The following RNF123 variants were observed in gnomAD, a reference collection of about 807,000 sequenced individuals.
RNF123 encodes the protein ring finger protein 123, also known as E3 ubiquitin-protein ligase RNF123.
RNF123 carries 86 observed loss-of-function variants against 168.5 expected under a neutral mutation model. That is an observed-to-expected ratio of 0.51 (90% CI 0.43 to 0.61). The LOEUF is 0.61. Ranked by LOEUF, RNF123 falls within the 20% of genes least tolerant of loss-of-function variation. The probability of loss-of-function intolerance (pLI) is 0.00; values close to 1 mark genes in which losing one functional copy is unlikely to be tolerated. For missense variants in RNF123, 1,419 were observed against 1,729.7 expected, an observed-to-expected ratio of 0.82 and a Z score of 3.19; for synonymous variants, 666 against 689.1, an observed-to-expected ratio of 0.97 and a Z score of 0.52.
In RNF123 at chr3:49,699,625, G is replaced by A. The variant is rs771015925; in HGVS notation, c.879+43G>A. 6.2e-7 allele frequency: 1 copy of A among 1,611,878 alleles called. No homozygotes were observed. Among genetic ancestry groups the A allele is most frequent in the Non-Finnish European group, 8.5e-7 (1 of 1,178,324 alleles). On this transcript the variant is annotated intron_variant, in intron 11 of 38. Transcript: ENST00000327697. The surrounding 1 kb of genome is among the most constrained non-coding windows in gnomAD (Gnocchi z 4.8). Reference sequence around the variant, plus strand: ...CCAGGCGGGGTGGGGGGCTTCCACAGCCTCCTGCCCCTCACACTTCTCCCT... The same window carrying A: ...CCAGGCGGGGTGGGGGGCTTCCACAACCTCCTGCCCCTCACACTTCTCCCT...
intron 25 of RNF123, 72 bp downstream of exon 25, chr3:49,706,137 C>A: frequency 7.2e-7 from 1 of 1,385,812 alleles, no homozygotes; most frequent in Non-Finnish European, 1.0e-6. Flanking sequence ...AAGTCTGGTT[C>A]TGGGGGCTGC....
intron 20 of RNF123, among the ~76,000 whole-genome samples, chr3:49,702,980 G>GGCTC (rs2054437221): frequency 6.6e-6 from 1 of 152,180 alleles, no homozygotes; most frequent in African/African-American, 2.4e-5. Flanking sequence ...TTGTCCCACG[G>GGCTC]GCTCCTACCA....
chr3:49,704,049 T>A (rs903239512), intron 21 of RNF123, among the ~76,000 whole-genome samples: 1 of 152,076 alleles, frequency 6.6e-6, no homozygotes, highest in Non-Finnish European at 1.5e-5. Context: ...ACCCCAGGCT[T>A]CCTGCCAGAG....
intron 8 of RNF123, 109 bp downstream of exon 8, chr3:49,698,635 A>G: frequency 6.5e-7 from 1 of 1,536,216 alleles, no homozygotes; most frequent in Non-Finnish European, 9.0e-7. Context: ...AGGGTCAGGG[A>G]CCCAGGTCCT....
chr3:49,711,288 G>A (rs2080140737), intron 26 of RNF123, among the ~76,000 whole-genome samples: 1 of 152,132 alleles, frequency 6.6e-6, no homozygotes, highest in Admixed American at 6.5e-5. Context: ...CAGCCTTGAC[G>A]CTATATGTGC....
Position 49,702,485 on chromosome 3 carries a change from G to C in RNF123, c.1629+80G>C, listed in dbSNP as rs1335786469. 9 of 1,600,092 alleles carry C rather than the reference G, an allele frequency of 5.6e-6. No homozygotes were observed. The East Asian group carries it at 1.6e-4, about 28-fold the overall frequency. On this transcript the variant is annotated intron_variant, in intron 19 of 38. Transcript: ENST00000327697. ...ATGCCCTCAGCACCTGGCACTTCTC[G>C]GACTGCCTCATCCCTGCCTAGCCCC...
In RNF123 at chr3:49,712,576, T is replaced by C. The variant is rs1165362097; in HGVS notation, c.2594T>C (p.Phe865Ser). ...TGSLFAFMPE[F>S]YLSVAINSYS... ...TCTCTCTTTGCCTTCATGCCCGAGTTCTACCTGAGCGTGGCCATCAACAGC... is the reference window on the plus strand; with the variant it reads ...TCTCTCTTTGCCTTCATGCCCGAGTCCTACCTGAGCGTGGCCATCAACAGC... Residue 865 changes from phenylalanine to serine, a missense_variant, in exon 27 of 39, where the codon TTC (phenylalanine) becomes TCC (serine). By Grantham distance (155) the Phe-to-Ser change is radical. Around this residue, in one of 5 missense-constraint regions of RNF123, gnomAD observed 538 missense variants for 708.8 expected, o/e 0.76. Transcript: ENST00000327697. The C allele has an allele frequency of 2.5e-6, 4 of 1,614,206 alleles. No homozygotes were observed.
chr3:49,697,965 A>T, intron 6 of RNF123, 26 bp downstream of exon 6: 1 of 1,614,086 alleles, frequency 6.2e-7, no homozygotes, highest in Non-Finnish European at 8.5e-7. Flanking sequence ...GCTGTGGCCT[A>T]GGTAGTGAGG....
chr3:49,706,712 C>A, intron 25 of RNF123, 79 bp from the exon 26 acceptor site: 1 of 1,299,820 alleles, frequency 7.7e-7, no homozygotes, highest in Non-Finnish European at 1.1e-6. Context: ...GAGGGCCCTT[C>A]CTAGGCTGCC....
chr3:49,708,759 G>A (rs2080083352), intron 26 of RNF123, among the ~76,000 whole-genome samples: 3 of 152,174 alleles, frequency 2.0e-5, no homozygotes, highest in Admixed American at 2.0e-4. Context: ...ATAATATTCT[G>A]TTGTACGGAC....
chr3:49,718,603 A>G (rs749352805), intron 35 of RNF123: 1 of 1,613,020 alleles, frequency 6.2e-7, no homozygotes, highest in Admixed American at 1.7e-5. Flanking sequence ...CAGCGCGTAC[A>G]GGTGCTCTTC....
chr3:49,697,422 G>A lies in RNF123; in HGVS notation c.307G>A (p.Glu103Lys), dbSNP rs2054290670. 6.2e-7 allele frequency: 1 copy of A among 1,610,916 alleles called. No individual in the cohort carries two copies. Among genetic ancestry groups the A allele is most frequent in the African/African-American group, 1.3e-5 (1 of 74,868 alleles). ...TVVLDHTGGF[E>K]GLLLVDDDLL... is the part of the protein sequence containing the mutation. The stretch of plus-strand genomic sequence containing the variant: ...GGTCCTGGACCACACAGGCGGCTTT[G>A]AGGGGCTTCTCCTGGTGGATGATGA... Residue 103 changes from glutamate to lysine, a missense_variant, in exon 5 of 39, where the codon GAG (glutamate) becomes AAG (lysine). Transcript: ENST00000327697.
intron 15 of RNF123, among the ~76,000 whole-genome samples, chr3:49,701,205 G>C (rs1398039614): frequency 2.0e-5 from 3 of 152,216 alleles, no homozygotes; most frequent in Non-Finnish European, 4.4e-5. Context: ...CAGAGTTGGG[G>C]CCTGAGAAAA....
intron 26 of RNF123, among the ~76,000 whole-genome samples, chr3:49,707,176 C>T (rs558967022): frequency 2.6e-5 from 4 of 152,200 alleles, no homozygotes; most frequent in African/African-American, 9.6e-5. Flanking sequence ...CCACCCCCTC[C>T]CAGTTTCTTG....
rs138039032 is a variant in RNF123, at chr3:49,718,232, G to C, written c.3500+1755G>C. ...GGCCAGCGGCGGCAGCGGCAGGCACGGCGGCAGCAGCGGCAGGGTGGGGCG... is the reference window on the plus strand; with the variant it reads ...GGCCAGCGGCGGCAGCGGCAGGCACCGCGGCAGCAGCGGCAGGGTGGGGCG... On this transcript the variant is annotated intron_variant, in intron 35 of 38. Transcript: ENST00000327697. The C allele has an allele frequency of 1.9e-4, 302 of 1,611,736 alleles. 2 individuals carry two copies. Among genetic ancestry groups the C allele is most frequent in the Non-Finnish European group, 2.4e-4 (279 of 1,179,462 alleles).
At chr3:49,713,214 CAG>C in intron 27 of RNF123, 1 of 590,006 alleles carries the variant, frequency 1.7e-6, no homozygotes, top group Non-Finnish European at 3.0e-6. Flanking sequence ...TCTTCAAAGA[CAG>C]AGCTGTGAGT....
chr3:49,719,022 C>G, intron 35 of RNF123: 2 of 1,613,898 alleles, frequency 1.2e-6, no homozygotes, highest in East Asian at 4.5e-5. Flanking sequence ...CATGCTCGTC[C>G]AAGTGCACCA....
At chr3:49,703,758 G>A (rs2054457111) in intron 21 of RNF123, among the ~76,000 whole-genome samples, 2 of 152,238 alleles carry the variant, frequency 1.3e-5, no homozygotes, top group Admixed American at 6.5e-5. Context: ...GGGGACCAGG[G>A]ATCTTGGTGA....
Position 49,721,251 on chromosome 3 carries a change from T to C in RNF123, c.3891T>C (p.Ser1297=), listed in dbSNP as rs185245937. ...DCFFCKTTIV[S]VEDWEKGANT... ...TCTTCTGCAAAACCACCATCGTGTC[T>C]GTAGAGGACTGGGAGAAGGGAGCCA... The change falls in exon 39 of 39, where the codon TCT becomes TCC. Residue 1297 remains serine (S), a synonymous_variant. Coordinates refer to ENST00000327697, the MANE Select transcript of RNF123 (RefSeq NM_022064.5). 6.2e-7 allele frequency: 1 copy of C among 1,614,224 alleles called. No individual in the cohort carries two copies. The highest frequency in any genetic ancestry group is 8.5e-7 in the Non-Finnish European group (1 of 1,180,030).
Sources: allele counts gnomAD v4.1 joint callset (sites outside exome capture counted in the v4.1 genomes callset), GRCh38; gene constraint gnomAD v4.1.1; regional missense constraint gnomAD v4.1.1; non-coding constraint Gnocchi (gnomAD v3.1); transcripts MANE v1.5; gene names NCBI Gene and HGNC (gene_info 2026-07-23, HGNC 2026-07-21).